Variants in GGACT observed in about 807,000 individuals in gnomAD.
GGACT encodes gamma-glutamylaminecyclotransferase.
For synonymous variants in GGACT, 118 were observed against 115.3 expected, an observed-to-expected ratio of 1.02 and a Z score of -0.15; for missense variants, 241 against 233.2, an observed-to-expected ratio of 1.03 and a Z score of -0.22.
chr13:100,575,303 G>T (rs1464364053), intron 2 of GGACT, among the ~76,000 whole-genome samples: 1 of 152,192 alleles, frequency 6.6e-6, no homozygotes, highest in Non-Finnish European at 1.5e-5. Context: ...CATCGTAGGG[G>T]AGGAGTGAGA....
At chr13:100,562,264 G>A (rs190140909) in intron 2 of GGACT, among the ~76,000 whole-genome samples, 19 of 152,174 alleles carry the variant, frequency 1.2e-4, no homozygotes, top group African/African-American at 4.3e-4. Context: ...AACTAAGCTC[G>A]GTGAAGGGCT....
At chr13:100,557,262 T>C (rs1026611303) in intron 2 of GGACT, among the ~76,000 whole-genome samples, 1 of 152,210 alleles carries the variant, frequency 6.6e-6, no homozygotes, top group Non-Finnish European at 1.5e-5. Flanking sequence ...AGAAAAGATA[T>C]GCATTAAGGT....
At chr13:100,571,699 G>T (rs989426792) in intron 2 of GGACT, among the ~76,000 whole-genome samples, 12 of 152,126 alleles carry the variant, frequency 7.9e-5, no homozygotes, top group African/African-American at 2.7e-4. Context: ...CTTGTTCAGG[G>T]TGTTTCATCT....
intron 2 of GGACT, among the ~76,000 whole-genome samples, chr13:100,564,693 G>A (rs373540877): frequency 2.0e-5 from 3 of 152,182 alleles, no homozygotes; most frequent in Admixed American, 6.5e-5. Context: ...AAGGTCGACC[G>A]AAGTACAAAT....
At chr13:100,549,057 C>G (rs541018225) in intron 2 of GGACT, among the ~76,000 whole-genome samples, 38 of 152,378 alleles carry the variant, frequency 2.5e-4, no homozygotes, top group African/African-American at 9.1e-4. Context: ...TTAGAAACCA[C>G]CACCCATGGA....
chr13:100,532,357 C>T lies in GGACT; in HGVS notation c.235G>A (p.Asp79Asn). The change falls in exon 3 of 3, where the codon GAT becomes AAT. Residue 79 changes from aspartate (D) to asparagine (N), a missense_variant. Coordinates refer to ENST00000683975, the MANE Select transcript of GGACT (RefSeq NM_001195087.2). ...AGGGCCGGGCAACTCTCGAAGTCAT[C>T]CAGAAAGCGCAGCATCCGCTCGTCT... The part of the protein sequence containing the change: ...AVDERMLRFL[D>N]DFESCPALYQ... 7 of 1,550,650 alleles carry T rather than the reference C, an allele frequency of 4.5e-6. No homozygotes were observed. Among genetic ancestry groups the T allele is most frequent in the Non-Finnish European group, 6.1e-6 (7 of 1,146,616 alleles).
intron 2 of GGACT, chr13:100,536,521 C>G (rs2088494831): frequency 6.7e-6 from 1 of 148,350 alleles, no homozygotes; most frequent in Non-Finnish European, 1.5e-5. Flanking sequence ...TTTTTTTCAA[C>G]TTCTTGTTCA....
chr13:100,561,837 C>A (rs1192932995), intron 2 of GGACT, among the ~76,000 whole-genome samples: 1 of 152,154 alleles, frequency 6.6e-6, no homozygotes, highest in African/African-American at 2.4e-5. Flanking sequence ...CCAGTGAGAC[C>A]CTGGCACTTC....
chr13:100,575,040 T>A (rs1163519295), intron 2 of GGACT, among the ~76,000 whole-genome samples: 2 of 152,134 alleles, frequency 1.3e-5, no homozygotes, highest in Non-Finnish European at 2.9e-5. Context: ...TGTCCCTATA[T>A]TAGAAAGGAA....
At chr13:100,577,986 G>T (rs1042193772) in intron 2 of GGACT, among the ~76,000 whole-genome samples, 2 of 152,126 alleles carry the variant, frequency 1.3e-5, no homozygotes, top group African/African-American at 4.8e-5. Context: ...TCTTCACCAG[G>T]GGTTCGTTAT....
chr13:100,587,682 C>A (rs1301979865), intron 1 of GGACT, among the ~76,000 whole-genome samples: 2 of 152,184 alleles, frequency 1.3e-5, no homozygotes, highest in Non-Finnish European at 2.9e-5. Flanking sequence ...TTTAGTTTTT[C>A]ATTAATCATT....
At chr13:100,581,324 A>G (rs897335812) in intron 2 of GGACT, among the ~76,000 whole-genome samples, 1 of 152,214 alleles carries the variant, frequency 6.6e-6, no homozygotes, top group Non-Finnish European at 1.5e-5. Context: ...CACAAGATCA[A>G]TCTAGGGCAT....
At position 100,569,782 on chromosome 13, in the gene GGACT, AT is replaced by A. The variant is rs199723746; in HGVS notation, c.-11+14042del. Among the ~76,000 whole-genome samples the A allele has an allele frequency of 1.8e-4, 28 of 152,356 alleles. No individual in the cohort carries two copies. In the East Asian group the frequency reaches 4.2e-3, roughly 23 times the overall value. ...ACTTTTATGGTCTGCTTCCTCTTGA[AT>A]GCTTTGCTGCTTAGAAACTTCTACC... On this transcript the variant is annotated intron_variant, in intron 2 of 2. Transcript: ENST00000683975.
In GGACT at chr13:100,540,147, G is replaced by A. The variant is rs55854639; in HGVS notation, c.-10-7546C>T. On this transcript the variant is annotated intron_variant, in intron 2 of 2. Coordinates refer to ENST00000683975, the MANE Select transcript of GGACT (RefSeq NM_001195087.2). ...TTCGAATGACGAATTTCTTAATGGC[G>A]TTGTCCTTGGGCACGCATCGGGCAC... 79 of 1,591,512 alleles carry A rather than the reference G, an allele frequency of 5.0e-5. No individual in the cohort carries two copies. In the African/African-American group the frequency reaches 7.7e-4, roughly 16 times the overall value.
intron 2 of GGACT, among the ~76,000 whole-genome samples, chr13:100,563,464 T>TG (rs1416070873): frequency 6.6e-6 from 1 of 152,356 alleles, no homozygotes; most frequent in Admixed American, 6.5e-5. Flanking sequence ...AATGGTTTTC[T>TG]GTTCTGTGAA....
At chr13:100,582,084 T>G (rs1367454283) in intron 2 of GGACT, among the ~76,000 whole-genome samples, 6 of 152,256 alleles carry the variant, frequency 3.9e-5, no homozygotes, top group African/African-American at 1.4e-4. Flanking sequence ...TGTCTCTGTC[T>G]GTTGAAATGG....
intron 2 of GGACT, among the ~76,000 whole-genome samples, chr13:100,548,868 G>A (rs2088632106): frequency 6.6e-6 from 1 of 152,260 alleles, no homozygotes; most frequent in African/African-American, 2.4e-5. Flanking sequence ...GGGTCCACAG[G>A]AGAGCCAACC....
chr13:100,548,538 C>A (rs976159617), intron 2 of GGACT, among the ~76,000 whole-genome samples: 1 of 152,180 alleles, frequency 6.6e-6, no homozygotes, highest in African/African-American at 2.4e-5. Context: ...ATTAAAGATA[C>A]AGGTGAGGCC....
chr13:100,549,989 A>T (rs2088641807), intron 2 of GGACT, among the ~76,000 whole-genome samples: 1 of 152,194 alleles, frequency 6.6e-6, no homozygotes, highest in Non-Finnish European at 1.5e-5. Flanking sequence ...TGCTTGTATA[A>T]TTACCCCAAG....
Sources: allele counts gnomAD v4.1 joint callset (sites outside exome capture counted in the v4.1 genomes callset), GRCh38; gene constraint gnomAD v4.1.1; transcripts MANE v1.5; gene names NCBI Gene and HGNC (gene_info 2026-07-23, HGNC 2026-07-21).